RIN2: variants seen among roughly 807,000 people sequenced by gnomAD.
RIN2 encodes RAB5 interacting protein 2.
A neutral mutation model predicts 78.0 loss-of-function variants in RIN2; 36 were observed. That is an observed-to-expected ratio of 0.46 (90% CI 0.35 to 0.61). The LOEUF (loss-of-function observed/expected upper bound fraction) is 0.61. Ranked by LOEUF, RIN2 falls within the 20% of genes least tolerant of loss-of-function variation. RIN2 has a pLI of 0.00. For synonymous variants in RIN2, 466 were observed against 466.8 expected, an observed-to-expected ratio of 1.00 and a Z score of 0.02; for missense variants, 1,087 against 1,159.7, an observed-to-expected ratio of 0.94 and a Z score of 0.91.
intron 7 of RIN2, among the ~76,000 whole-genome samples, chr20:19,966,222 A>C (rs962844917): frequency 4.6e-5 from 7 of 151,958 alleles, no homozygotes; most frequent in Non-Finnish European, 8.8e-5. Context: ...TGGGGAGTTT[A>C]TTTGAGTTTG....
intron 3 of RIN2, among the ~76,000 whole-genome samples, chr20:19,921,676 G>A (rs1000894816): frequency 6.6e-6 from 1 of 152,126 alleles, no homozygotes; most frequent in Admixed American, 6.5e-5. Context: ...GTCCTAGGTC[G>A]GGTTCCCCAG....
At chr20:19,783,761 C>T (rs1484752065) in intron 1 of RIN2, among the ~76,000 whole-genome samples, 1 of 152,158 alleles carries the variant, frequency 6.6e-6, no homozygotes, top group Non-Finnish European at 1.5e-5. Context: ...CTGACTATCC[C>T]ACGAGGGGTG....
At chr20:19,899,043 C>A (rs1301897572) in intron 3 of RIN2, among the ~76,000 whole-genome samples, 4 of 152,198 alleles carry the variant, frequency 2.6e-5, no homozygotes, top group Non-Finnish European at 4.4e-5. Flanking sequence ...CCTTTTTAAT[C>A]TATTTCCAAG....
intron 1 of RIN2, among the ~76,000 whole-genome samples, chr20:19,762,200 T>A (rs944285155): frequency 1.2e-4 from 19 of 152,326 alleles, no homozygotes; most frequent in Admixed American, 1.0e-3. Context: ...CAAGCAACCA[T>A]TGTTTGAAAT....
chr20:19,980,440 C>G (rs923806492), intron 9 of RIN2, among the ~76,000 whole-genome samples: 4 of 152,106 alleles, frequency 2.6e-5, no homozygotes, highest in Non-Finnish European at 5.9e-5. Context: ...TCCATGACAG[C>G]CTGCACAAGG....
chr20:19,840,440 AAG>A (rs2036545753), intron 2 of RIN2, among the ~76,000 whole-genome samples: 1 of 152,212 alleles, frequency 6.6e-6, no homozygotes, highest in Non-Finnish European at 1.5e-5. Flanking sequence ...AGTTAAAAGA[AAG>A]AGTTGTTCTT....
At chr20:19,804,810 G>T (rs990030107) in intron 2 of RIN2, among the ~76,000 whole-genome samples, 1 of 152,036 alleles carries the variant, frequency 6.6e-6, no homozygotes, top group Non-Finnish European at 1.5e-5. Flanking sequence ...AGAACTCAGC[G>T]GTAAATCCAT....
At position 19,964,999 on chromosome 20, in the gene RIN2, C is replaced by A. The variant is rs947629258; in HGVS notation, c.511C>A (p.Leu171Ile). ...SGISFADLFRLIAFYCISRDV... is the reference protein window; with the variant it reads ...SGISFADLFRIIAFYCISRDV... Reference sequence around the variant, plus strand: ...AATCAGTTTCGCAGATTTATTCCGGCTCATTGCTTTCTACTGCATCAGCAG... The same window carrying A: ...AATCAGTTTCGCAGATTTATTCCGGATCATTGCTTTCTACTGCATCAGCAG... Residue 171 changes from leucine to isoleucine, a missense_variant, in exon 7 of 13, where the codon CTC (leucine) becomes ATC (isoleucine). Leu to Ile is a conservative substitution (Grantham distance 5). Around this residue, in one of 8 missense-constraint regions of RIN2, gnomAD observed 706 missense variants for 667.5 expected, o/e 1.06. Coordinates refer to ENST00000255006, the MANE Select transcript of RIN2 (RefSeq NM_018993.4). 1.9e-6 allele frequency: 3 copies of A among 1,613,416 alleles called. No homozygotes were observed. In the African/African-American group the frequency reaches 4.0e-5, roughly 22 times the overall value.
chr20:19,858,965 T>A (rs1010391879), intron 2 of RIN2, among the ~76,000 whole-genome samples: 1 of 152,154 alleles, frequency 6.6e-6, no homozygotes, highest in African/African-American at 2.4e-5. Flanking sequence ...AGAATACATT[T>A]CTTAAAGTAG....
At chr20:19,761,160 G>A (rs1420031142) in intron 1 of RIN2, among the ~76,000 whole-genome samples, 3 of 152,184 alleles carry the variant, frequency 2.0e-5, no homozygotes, top group Non-Finnish European at 4.4e-5. Flanking sequence ...TAGTATCTCA[G>A]TCGTTTCTCA....
At chr20:19,844,737 T>C (rs1023743777) in intron 2 of RIN2, among the ~76,000 whole-genome samples, 14 of 134,528 alleles carry the variant, frequency 1.0e-4, no homozygotes. Flanking sequence ...CTTCTTCTTC[T>C]TCTTCTTTTA....
intron 2 of RIN2, among the ~76,000 whole-genome samples, chr20:19,870,946 C>T (rs900005702): frequency 1.3e-5 from 2 of 152,196 alleles, no homozygotes; most frequent in Non-Finnish European, 2.9e-5. Flanking sequence ...TGTGTAGTTA[C>T]TATCGGTCCC....
At chr20:19,900,162 A>T (rs1045879691) in intron 3 of RIN2, among the ~76,000 whole-genome samples, 1 of 152,232 alleles carries the variant, frequency 6.6e-6, no homozygotes, top group Non-Finnish European at 1.5e-5. Context: ...CCAGAAATCT[A>T]GATTTTCATG....
intron 2 of RIN2, among the ~76,000 whole-genome samples, chr20:19,859,204 C>T (rs1395868412): frequency 6.6e-6 from 1 of 152,214 alleles, no homozygotes; most frequent in Non-Finnish European, 1.5e-5. Flanking sequence ...CATCCAACTT[C>T]CAGGGATGAG....
At chr20:19,961,374 G>C (rs2041740763) in intron 6 of RIN2, among the ~76,000 whole-genome samples, 1 of 152,180 alleles carries the variant, frequency 6.6e-6, no homozygotes. Context: ...TCTTTCTGCT[G>C]TTCCACGATT....
At chr20:19,857,276 C>T (rs1159585271) in intron 2 of RIN2, among the ~76,000 whole-genome samples, 1 of 152,104 alleles carries the variant, frequency 6.6e-6, no homozygotes, top group Non-Finnish European at 1.5e-5. Context: ...ATGTTTTGAG[C>T]AAATGCATCC....
chr20:19,870,998 A>G (rs2037675447), intron 2 of RIN2, among the ~76,000 whole-genome samples: 1 of 152,208 alleles, frequency 6.6e-6, no homozygotes, highest in Non-Finnish European at 1.5e-5. Context: ...GTTATTATTT[A>G]TCTTCAAGCC....
intron 2 of RIN2, among the ~76,000 whole-genome samples, chr20:19,882,788 G>A (rs7270020): frequency 0.12 from 18,468 of 151,950 alleles, 1,345 homozygotes; most frequent in East Asian, 0.29. Context: ...TGTATACACG[G>A]GTTTTTTTCA....
At chr20:19,807,809 G>T (rs1281545443) in intron 2 of RIN2, among the ~76,000 whole-genome samples, 1 of 152,160 alleles carries the variant, frequency 6.6e-6, no homozygotes, top group Admixed American at 6.5e-5. Flanking sequence ...CAATACCTTG[G>T]CTCTCTCATC....
Sources: allele counts gnomAD v4.1 joint callset (sites outside exome capture counted in the v4.1 genomes callset), GRCh38; gene constraint gnomAD v4.1.1; regional missense constraint gnomAD v4.1.1; transcripts MANE v1.5; gene names NCBI Gene and HGNC (gene_info 2026-07-23, HGNC 2026-07-21).